ZNF331: variants seen among roughly 807,000 people sequenced by gnomAD.
ZNF331 encodes C2H2-like zinc finger protein rearranged in thyroid adenomas.
In ZNF331, 2 loss-of-function variants were observed where a neutral mutation model predicts 7.0. The ratio of observed to expected loss-of-function variants is 0.29; its 90% CI spans 0.12 to 0.90. The LOEUF is 0.90. Among genes scored for constraint, ZNF331 ranks in the 40% least tolerant of loss-of-function variants. The probability of loss-of-function intolerance (pLI) is 0.58; values close to 1 mark genes in which losing one functional copy is unlikely to be tolerated. For missense variants in ZNF331, 432 were observed against 587.7 expected, an observed-to-expected ratio of 0.74 and a Z score of 2.74; for synonymous variants, 196 against 205.4, an observed-to-expected ratio of 0.95 and a Z score of 0.39.
chr19:53,556,461 G>A lies in ZNF331; in HGVS notation c.-74+553G>A, dbSNP rs556111077. Among the ~76,000 whole-genome samples, 298 of 150,940 alleles carry A rather than the reference G, an allele frequency of 2.0e-3. 2 individuals carry two copies. The highest frequency in any genetic ancestry group is 6.0e-3 in the African/African-American group (247 of 41,146). ...CTGTGATAACAAAGTACCATAGACT[G>A]TGTGACTAAAAGGGCAAACTTTTTT... On this transcript the variant is annotated intron_variant, in intron 3 of 5. Transcript: ENST00000449416.
At chr19:53,511,746 AT>A in the ZNF331 span, among the ~76,000 whole-genome samples, 1 of 152,092 alleles carries the variant, frequency 6.6e-6, no homozygotes, top group South Asian at 2.1e-4. Flanking sequence ...AAATATATAT[AT>A]TTATTTTTGC....
intron 2 of ZNF331, chr19:53,523,271 T>C (rs1400080509): frequency 6.6e-6 from 1 of 151,782 alleles, no homozygotes; most frequent in Non-Finnish European, 1.5e-5. Context: ...CAGGCTGGAG[T>C]GCAATGGCAT....
At chr19:53,556,017 GGCAA>G (rs1401855383) in intron 3 of ZNF331, 109 bp downstream of exon 3, 1 of 151,800 alleles carries the variant, frequency 6.6e-6, no homozygotes, top group Non-Finnish European at 1.5e-5. Flanking sequence ...GGCCGAGGTG[GGCAA>G]ATCACAAGGT....
intron 3 of ZNF331, among the ~76,000 whole-genome samples, chr19:53,557,880 C>G (rs1030366115): frequency 2.6e-5 from 4 of 152,188 alleles, no homozygotes; most frequent in African/African-American, 9.7e-5. Flanking sequence ...AGGAGAATCG[C>G]TTGAACCTGG....
intron 3 of ZNF331, among the ~76,000 whole-genome samples, chr19:53,568,200 G>T (rs2090256378): frequency 6.6e-6 from 1 of 151,524 alleles, no homozygotes; most frequent in South Asian, 2.1e-4. Flanking sequence ...GGCCGAGATC[G>T]TGCCACTGCA....
intron 2 of ZNF331, among the ~76,000 whole-genome samples, chr19:53,549,014 A>G (rs2088810126): frequency 6.6e-6 from 1 of 151,674 alleles, no homozygotes; most frequent in South Asian, 2.1e-4. Context: ...ACACCTGGCT[A>G]ATTTTTGTAT....
intron 1 of ZNF331, among the ~76,000 whole-genome samples, chr19:53,522,381 C>T (rs909760372): frequency 1.3e-5 from 2 of 151,718 alleles, no homozygotes; most frequent in Non-Finnish European, 2.9e-5. Flanking sequence ...GGACCACAGG[C>T]GCACGCCACC....
chr19:53,565,816 AC>A (rs1020802229), intron 3 of ZNF331, among the ~76,000 whole-genome samples: 2 of 152,132 alleles, frequency 1.3e-5, no homozygotes, highest in Non-Finnish European at 2.9e-5. Flanking sequence ...GGAGTGAGCC[AC>A]CATGGCTAGG....
rs8106947 is a variant in ZNF331, at chr19:53,539,459, C to T, written c.-138+177C>T. ...TTAACACGCATAAAACCCATAGACG[C>T]GCACCCCTGAGTGGGAGTGCACAGT... On this transcript the variant is annotated intron_variant, in intron 2 of 5. Transcript: ENST00000449416. This position sits in a 1 kb window ranked among gnomAD's most constrained non-coding sequence, Gnocchi z 6.1. The T allele has an allele frequency of 0.25, 38,254 of 151,926 alleles. 4,878 individuals are homozygous for T. Among genetic ancestry groups the T allele is most frequent in the Middle Eastern group, 0.38 (113 of 294 alleles). 9.4% of individuals were successfully genotyped at this position (151,926 alleles called of 1,614,324 possible).
the ZNF331 span, among the ~76,000 whole-genome samples, chr19:53,514,465 T>G: frequency 2.0e-5 from 3 of 152,064 alleles, no homozygotes; most frequent in African/African-American, 7.2e-5. Context: ...CCTCCCGAAG[T>G]ACTGGGATTA....
chr19:53,570,755 C>T (rs2090402125), intron 4 of ZNF331, among the ~76,000 whole-genome samples: 1 of 152,106 alleles, frequency 6.6e-6, no homozygotes, highest in African/African-American at 2.4e-5. Context: ...TGGTCTCGAA[C>T]CCCCAACCTC....
chr19:53,536,766 G>C (rs943810077), upstream of ZNF331, among the ~76,000 whole-genome samples: 69 of 152,266 alleles, frequency 4.5e-4, no homozygotes, highest in African/African-American at 1.6e-3. Context: ...AGCCGGGCGT[G>C]GTAGCGCATG....
intron 3 of ZNF331, among the ~76,000 whole-genome samples, chr19:53,559,995 TAC>T (rs1409658354): frequency 2.0e-5 from 3 of 148,130 alleles, no homozygotes; most frequent in East Asian, 2.0e-4. Context: ...ACACCATATA[TAC>T]ACACACATAT....
the ZNF331 span, chr19:53,503,594 G>C: frequency 0.1 from 75,141 of 718,604 alleles, 3,196 homozygotes; most frequent in African/African-American, 0.16. Context: ...GACAATGGCA[G>C]CTTTTGGGTT....
chr19:53,506,228 G>C, the ZNF331 span, among the ~76,000 whole-genome samples: 1 of 119,694 alleles, frequency 8.4e-6, no homozygotes, highest in South Asian at 3.0e-4. Context: ...CCAGCTACTC[G>C]GGAGGCTGAG....
chr19:53,578,090 C>G lies in ZNF331; in HGVS notation c.*138C>G. 8.9e-7 allele frequency: 1 copy of G among 1,118,766 alleles called. No individual in the cohort carries two copies. The allele number at this position is 1,118,766 out of a possible 1,614,324, so 69.3% of individuals were successfully genotyped here. ...GAATTTTAAGTCTCAAATGGTGTGC[C>G]CTTCTGAGTAGCGTGATGAAATCTC... On this transcript the variant is annotated 3_prime_UTR_variant, in exon 6 of 6. Transcript: ENST00000449416.
upstream of ZNF331, among the ~76,000 whole-genome samples, chr19:53,534,064 C>G (rs1025339225): frequency 6.6e-6 from 1 of 152,116 alleles, no homozygotes; most frequent in Non-Finnish European, 1.5e-5. Flanking sequence ...GCTGTTATAG[C>G]AGCCAAAACG....
the ZNF331 span, among the ~76,000 whole-genome samples, chr19:53,505,914 G>T: frequency 6.6e-6 from 1 of 152,006 alleles, no homozygotes; most frequent in East Asian, 1.9e-4. Context: ...AAACATGGGA[G>T]GCGGAGGTCG....
Position 53,577,915 on chromosome 19 carries a change from A to G in ZNF331, c.1355A>G (p.Asn452Ser), listed in dbSNP as rs1290060364. 1.9e-6 allele frequency: 3 copies of G among 1,613,402 alleles called. No homozygotes were observed. The highest frequency in any genetic ancestry group is 2.2e-5 in the South Asian group (2 of 91,078). The change falls in exon 6 of 6, where the codon AAC becomes AGC. Residue 452 changes from asparagine to serine, a missense_variant. By Grantham distance (46) the Asn-to-Ser change is conservative. Transcript: ENST00000449416. ...KECGKACNHL[N>S]HLREHQRIHN... The stretch of plus-strand genomic sequence containing the variant: ...TGCGGGAAGGCATGTAACCACCTAA[A>G]CCATCTCCGAGAACATCAGAGGATC...
Sources: allele counts gnomAD v4.1 joint callset (sites outside exome capture counted in the v4.1 genomes callset), GRCh38; gene constraint gnomAD v4.1.1; non-coding constraint Gnocchi (gnomAD v3.1); transcripts MANE v1.5; gene names NCBI Gene and HGNC (gene_info 2026-07-23, HGNC 2026-07-21).